Variants in GAS2 observed in about 807,000 individuals in gnomAD.
GAS2 encodes growth arrest specific 2.
GAS2 carries 20 observed loss-of-function variants against 37.5 expected under a neutral mutation model. That is an observed-to-expected ratio of 0.53 (90% CI 0.37 to 0.77). GAS2 has a LOEUF of 0.77. Among genes scored for constraint, GAS2 ranks in the 30% least tolerant of loss-of-function variants. GAS2 has a pLI of 0.00. For missense variants in GAS2, 336 were observed against 373.4 expected (o/e 0.90, Z 0.82); for synonymous variants, 144 against 132.2 (o/e 1.09, Z -0.61).
At chr11:22,672,783 G>C (rs1446906308) in intron 1 of GAS2, 1 of 150,202 alleles carries the variant, frequency 6.7e-6, no homozygotes, top group African/African-American at 2.4e-5. Flanking sequence ...ACCAGCTACA[G>C]GGAGAAGTTT....
intron 1 of GAS2, among the ~76,000 whole-genome samples, chr11:22,649,855 T>A (rs1256095613): frequency 6.6e-6 from 1 of 152,046 alleles, no homozygotes; most frequent in East Asian, 1.9e-4. Context: ...TTGTTGATCC[T>A]TTCAAAAAAC....
chr11:22,715,956 T>C (rs972154998), intron 3 of GAS2, among the ~76,000 whole-genome samples: 1 of 152,156 alleles, frequency 6.6e-6, no homozygotes, highest in Admixed American at 6.5e-5. Flanking sequence ...AACAAAGTAC[T>C]AGCTAACTGA....
chr11:22,635,918 A>G (rs975883005), intron 1 of GAS2, among the ~76,000 whole-genome samples: 9 of 152,014 alleles, frequency 5.9e-5, no homozygotes, highest in Admixed American at 1.3e-4. Flanking sequence ...AGGTTCCCCA[A>G]TGGGAGTATA....
At chr11:22,705,713 A>G (rs1851082510) in intron 3 of GAS2, among the ~76,000 whole-genome samples, 2 of 152,324 alleles carry the variant, frequency 1.3e-5, no homozygotes, top group South Asian at 2.1e-4. Context: ...ACAGGGCAAA[A>G]TATTGGATGC....
At chr11:22,692,926 C>G (rs1437412984) in intron 3 of GAS2, among the ~76,000 whole-genome samples, 5 of 152,068 alleles carry the variant, frequency 3.3e-5, no homozygotes, top group Non-Finnish European at 7.4e-5. Flanking sequence ...CGTGTCCTTT[C>G]CTAAAAGGGC....
chr11:22,786,231 A>T (rs998513337), intron 7 of GAS2, among the ~76,000 whole-genome samples: 1 of 152,150 alleles, frequency 6.6e-6, no homozygotes, highest in Admixed American at 6.5e-5. Context: ...CATGAGTTGG[A>T]TAAAAAAAAA....
chr11:22,779,573 C>T (rs545522878), intron 7 of GAS2, among the ~76,000 whole-genome samples: 2 of 152,194 alleles, frequency 1.3e-5, no homozygotes, highest in African/African-American at 4.8e-5. Context: ...TGGCATGCAC[C>T]TGTAATCCCA....
At chr11:22,729,634 C>G (rs749809052) in intron 4 of GAS2, among the ~76,000 whole-genome samples, 2 of 151,410 alleles carry the variant, frequency 1.3e-5, no homozygotes, top group African/African-American at 4.9e-5. Context: ...AGATGAAGAA[C>G]CTATTTGCAA....
chr11:22,770,269 C>T (rs887914481), intron 7 of GAS2, among the ~76,000 whole-genome samples: 2 of 152,094 alleles, frequency 1.3e-5, no homozygotes, highest in African/African-American at 4.8e-5. Context: ...ACCTATGTAA[C>T]AAACCTGCAC....
intron 3 of GAS2, among the ~76,000 whole-genome samples, chr11:22,696,638 A>T (rs2133997207): frequency 6.6e-6 from 1 of 151,466 alleles, no homozygotes; most frequent in Middle Eastern, 3.4e-3. Flanking sequence ...TGCCATTCTA[A>T]CTGGTGTGAG....
intron 1 of GAS2, among the ~76,000 whole-genome samples, chr11:22,653,135 C>T (rs568788697): frequency 2.1e-4 from 32 of 150,888 alleles, no homozygotes; most frequent in Admixed American, 2.0e-3. Context: ...TTTCTTGCCT[C>T]GTCTCCTCTC....
Position 22,800,348 on chromosome 11 carries a change from C to T in GAS2, c.724-11450C>T, listed in dbSNP as rs577333207. Reference sequence around the variant, plus strand: ...ACCCCTACTACTTTCCCAGGATCTTCGCCACATTGCCAATTTACTGTAAGT... The same window carrying T: ...ACCCCTACTACTTTCCCAGGATCTTTGCCACATTGCCAATTTACTGTAAGT... On this transcript the variant is annotated intron_variant, in intron 7 of 7. Coordinates refer to ENST00000454584, the MANE Select transcript of GAS2 (RefSeq NM_001143830.3). Among the ~76,000 whole-genome samples, 23 of 152,164 alleles carry T rather than the reference C, an allele frequency of 1.5e-4. No homozygotes were observed. The South Asian group carries it at 3.3e-3, about 22-fold the overall frequency.
chr11:22,706,694 A>G (rs1851140516), intron 3 of GAS2, among the ~76,000 whole-genome samples: 1 of 152,132 alleles, frequency 6.6e-6, no homozygotes, highest in Admixed American at 6.6e-5. Context: ...ATAGTATTCC[A>G]TGGTGCATAT....
intron 6 of GAS2, among the ~76,000 whole-genome samples, chr11:22,749,478 C>G (rs1264805177): frequency 1.3e-5 from 2 of 151,860 alleles, no homozygotes; most frequent in Non-Finnish European, 2.9e-5. Flanking sequence ...TGCTGCAGAC[C>G]AATATCTAAA....
chr11:22,645,510 T>C (rs1848678301), intron 1 of GAS2, among the ~76,000 whole-genome samples: 1 of 150,988 alleles, frequency 6.6e-6, no homozygotes, highest in Admixed American at 6.6e-5. Flanking sequence ...CTTAAAAATA[T>C]ATATATATAT....
At chr11:22,793,843 G>A (rs1856297169) in intron 7 of GAS2, among the ~76,000 whole-genome samples, 1 of 152,056 alleles carries the variant, frequency 6.6e-6, no homozygotes, top group Non-Finnish European at 1.5e-5. Context: ...AAAGTGAAAT[G>A]GTACAAGAGA....
intron 7 of GAS2, among the ~76,000 whole-genome samples, chr11:22,767,169 C>T (rs763751878): frequency 7.9e-5 from 12 of 151,874 alleles, no homozygotes; most frequent in Non-Finnish European, 1.6e-4. Flanking sequence ...TACTGTATGA[C>T]AAAAATGAGT....
At chr11:22,668,595 G>T (rs568001711) in intron 1 of GAS2, among the ~76,000 whole-genome samples, 1 of 152,234 alleles carries the variant, frequency 6.6e-6, no homozygotes, top group East Asian at 1.9e-4. Context: ...TGATTGCCCT[G>T]GAATTTTTTA....
intron 1 of GAS2, among the ~76,000 whole-genome samples, chr11:22,633,374 A>T (rs759200862): frequency 2.0e-5 from 3 of 152,190 alleles, no homozygotes; most frequent in Non-Finnish European, 4.4e-5. Context: ...GCCTTCTCAG[A>T]TGCTGGTTAT....
Sources: allele counts gnomAD v4.1 joint callset (sites outside exome capture counted in the v4.1 genomes callset), GRCh38; gene constraint gnomAD v4.1.1; transcripts MANE v1.5; gene names NCBI Gene and HGNC (gene_info 2026-07-23, HGNC 2026-07-21).